ARHGEF10L: variants seen among roughly 807,000 people sequenced by gnomAD.
The protein encoded by ARHGEF10L is rho guanine nucleotide exchange factor 10-like protein.
Under a neutral mutation model 141.2 loss-of-function variants are expected in ARHGEF10L, and 69 were observed. The ratio of observed to expected loss-of-function variants is 0.49; its 90% CI spans 0.40 to 0.60. ARHGEF10L has a LOEUF of 0.60. Ranked by LOEUF, ARHGEF10L falls within the 20% of genes least tolerant of loss-of-function variation. The pLI is 0.00. For missense variants in ARHGEF10L, 1,482 were observed against 1,734.3 expected (o/e 0.85, Z 2.58); for synonymous variants, 711 against 718.5 (o/e 0.99, Z 0.17).
At chr1:17,536,775 C>G (rs1256358072), upstream of ARHGEF10L, among the ~76,000 whole-genome samples, 1 of 152,138 alleles carries the variant, frequency 6.6e-6, no homozygotes, top group Non-Finnish European at 1.5e-5. Context: ...TCTAAAGGGC[C>G]ACCACTCCTG....
At chr1:17,521,358 G>A in the ARHGEF10L span, among the ~76,000 whole-genome samples, 22 of 152,110 alleles carry the variant, frequency 1.4e-4, no homozygotes, top group Non-Finnish European at 2.8e-4. Context: ...CACCACGCCC[G>A]GCTAATTTTG....
intron 26 of ARHGEF10L, among the ~76,000 whole-genome samples, chr1:17,686,962 C>T (rs1207517489): frequency 6.6e-6 from 1 of 151,524 alleles, no homozygotes; most frequent in Non-Finnish European, 1.5e-5. Flanking sequence ...TTTTTTAATC[C>T]ACCTGGCACT....
chr1:17,650,901 T>A (rs958587975), intron 22 of ARHGEF10L, among the ~76,000 whole-genome samples: 1 of 152,136 alleles, frequency 6.6e-6, no homozygotes, highest in Non-Finnish European at 1.5e-5. Flanking sequence ...AAAATCTCAA[T>A]AATTAAGATA....
chr1:17,689,974 C>T lies in ARHGEF10L; in HGVS notation c.3184+2227C>T, dbSNP rs2064975751. The T allele has an allele frequency of 2.4e-5, 9 of 381,630 alleles. 1 individual carries two copies. Among genetic ancestry groups the T allele is most frequent in the South Asian group, 1.7e-4 (9 of 52,374 alleles). 23.6% of individuals were successfully genotyped at this position (381,630 alleles called of 1,614,324 possible). On this transcript the variant is annotated intron_variant, in intron 27 of 28. Coordinates refer to ENST00000361221, the MANE Select transcript of ARHGEF10L (RefSeq NM_018125.4). ...ACCTTCACGCCCGTTGTCTTACTTA[C>T]TCTTTGCAGTTACCCTTTAAGGAAG...
chr1:17,636,001 A>G (rs1447991574), intron 18 of ARHGEF10L, among the ~76,000 whole-genome samples: 4 of 152,086 alleles, frequency 2.6e-5, no homozygotes, highest in Non-Finnish European at 5.9e-5. Flanking sequence ...CTGGTCCGTG[A>G]CAGCTGTGCC....
chr1:17,565,000 G>A (rs970087154), intron 1 of ARHGEF10L, among the ~76,000 whole-genome samples: 9 of 152,140 alleles, frequency 5.9e-5, no homozygotes, highest in African/African-American at 2.2e-4. Flanking sequence ...GGCCCCATTC[G>A]GGCAGCTGTA....
intron 1 of ARHGEF10L, among the ~76,000 whole-genome samples, chr1:17,551,347 G>A (rs2077104081): frequency 1.9e-5 from 1 of 51,960 alleles, no homozygotes; most frequent in Admixed American, 2.5e-4. Flanking sequence ...GCAGGTGGAG[G>A]GACTCCGAGG....
intron 14 of ARHGEF10L, among the ~76,000 whole-genome samples, chr1:17,626,740 ACT>A (rs373321027): frequency 1.5e-4 from 23 of 151,894 alleles, no homozygotes; most frequent in African/African-American, 5.1e-4. Flanking sequence ...CTGAACCGAA[ACT>A]CTGCCCATTC....
rs2062128491 is a variant in ARHGEF10L, at chr1:17,654,764, A to G, written c.2481+42A>G. 6.3e-7 allele frequency: 1 copy of G among 1,576,428 alleles called. No individual in the cohort carries two copies. Among genetic ancestry groups the G allele is most frequent in the Non-Finnish European group, 8.7e-7 (1 of 1,148,132 alleles). On this transcript the variant is annotated intron_variant, in intron 23 of 28. Coordinates refer to ENST00000361221, the MANE Select transcript of ARHGEF10L (RefSeq NM_018125.4). This position sits in a 1 kb window ranked among gnomAD's most constrained non-coding sequence, Gnocchi z 4.3. ...CCCAGCTGGGCATTCTGGCCTCAGG[A>G]CAGGAGTAGGGAGAGCGGCACCTGG...
chr1:17,652,633 C>T (rs538745185), intron 22 of ARHGEF10L, among the ~76,000 whole-genome samples: 2 of 152,050 alleles, frequency 1.3e-5, no homozygotes, highest in Non-Finnish European at 2.9e-5. Context: ...ACTACGGTGT[C>T]GAAGGTTCTT....
intron 4 of ARHGEF10L, among the ~76,000 whole-genome samples, chr1:17,595,219 CCTTT>C (rs1331290811): frequency 7.1e-5 from 10 of 140,794 alleles, no homozygotes; most frequent in Non-Finnish European, 1.4e-4. Flanking sequence ...TCGTGGCTCA[CCTTT>C]TTTTTTTTTT....
chr1:17,526,631 C>T, the ARHGEF10L span, among the ~76,000 whole-genome samples: 1 of 152,208 alleles, frequency 6.6e-6, no homozygotes, highest in Non-Finnish European at 1.5e-5. Flanking sequence ...TGGCCGGGCA[C>T]AGTCACTCAC....
At chr1:17,531,962 C>G in the ARHGEF10L span, among the ~76,000 whole-genome samples, 2 of 152,088 alleles carry the variant, frequency 1.3e-5, no homozygotes, top group Non-Finnish European at 2.9e-5. Context: ...GCCAGGCCCT[C>G]CTGCCACAGC....
At chr1:17,672,683 C>T (rs1406881032) in intron 26 of ARHGEF10L, among the ~76,000 whole-genome samples, 1 of 152,090 alleles carries the variant, frequency 6.6e-6, no homozygotes, top group African/African-American at 2.4e-5. Context: ...GGAGACTTCC[C>T]AGGAGGCTCC....
chr1:17,644,754 C>T lies in ARHGEF10L; in HGVS notation c.2273-3800C>T, dbSNP rs985391151. On this transcript the variant is annotated intron_variant, in intron 21 of 28. Transcript: ENST00000361221. This position sits in a 1 kb window ranked among gnomAD's most constrained non-coding sequence, Gnocchi z 4.5. ...CGGGCTGGAGAAGCAGGGCTGGGCC[C>T]GCGGTGGGCTCAGCTGCCCTCAGTA... is the stretch of plus-strand genomic sequence containing the variant. Among the ~76,000 whole-genome samples, 2 of 152,286 alleles carry T rather than the reference C, an allele frequency of 1.3e-5. No individual in the cohort carries two copies. Among genetic ancestry groups the T allele is most frequent in the Non-Finnish European group, 2.9e-5 (2 of 68,024 alleles).
At position 17,615,940 on chromosome 1, in the gene ARHGEF10L, C is replaced by A. The variant is rs899114764; in HGVS notation, c.727-154C>A. 1.5e-5 allele frequency: 10 copies of A among 652,884 alleles called. No homozygotes were observed. Among genetic ancestry groups the A allele is most frequent in the Non-Finnish European group, 2.8e-5 (10 of 358,082 alleles). The allele number at this position is 652,884 out of a possible 1,614,324, so 40.4% of individuals were successfully genotyped here. A position where few individuals can be genotyped will look rare whatever the true frequency, so the allele number is the denominator to read the frequency against. ...CGGGCATGAACGCACCTTCTCACCCCCACTGTCGTCCTTGGCCTTTGCTCA... is the reference window on the plus strand; with the variant it reads ...CGGGCATGAACGCACCTTCTCACCCACACTGTCGTCCTTGGCCTTTGCTCA... On this transcript the variant is annotated intron_variant, in intron 8 of 28. Transcript: ENST00000361221. This position sits in a 1 kb window ranked among gnomAD's most constrained non-coding sequence, Gnocchi z 4.7.
Position 17,625,994 on chromosome 1 carries a change from CG to C in ARHGEF10L, c.1359del (p.Leu454Ter). On this transcript the variant is annotated frameshift_variant, in exon 14 of 29. Transcript: ENST00000361221. LOFTEE classifies it high-confidence loss of function. This position sits in a 1 kb window ranked among gnomAD's most constrained non-coding sequence, Gnocchi z 4.5. ...VCSPDRVTLYGLMVKPIQRFP... is the reference protein window; with the variant it reads ...VCSPDRVTLYXLMVKPIQRFP... ...GCAGCCCAGACCGTGTCACCCTCTA[CG>C]GGCTGATGGTCAAGCCCATCCAGAG... 2 of 1,613,968 alleles carry C rather than the reference CG, an allele frequency of 1.2e-6. No homozygotes were observed. The highest frequency in any genetic ancestry group is 1.7e-6 in the Non-Finnish European group (2 of 1,179,884).
Position 17,644,109 on chromosome 1 carries a change from G to A in ARHGEF10L, c.2272+3807G>A, listed in dbSNP as rs976577037. ...CCTTCTCATTCCCACCTCTCAAGGG[G>A]ACATGGGCCTGGCAGGCCATGGCTA... On this transcript the variant is annotated intron_variant, in intron 21 of 28. Transcript: ENST00000361221. This position sits in a 1 kb window ranked among gnomAD's most constrained non-coding sequence, Gnocchi z 4.5. Among the ~76,000 whole-genome samples, 1 of 152,236 alleles carries A rather than the reference G, an allele frequency of 6.6e-6. No homozygotes were observed. The highest frequency in any genetic ancestry group is 2.4e-5 in the African/African-American group (1 of 41,450).
chr1:17,606,980 C>T (rs531796174), intron 6 of ARHGEF10L, among the ~76,000 whole-genome samples: 42 of 152,346 alleles, frequency 2.8e-4, no homozygotes, highest in Admixed American at 1.2e-3. Flanking sequence ...AGGCATTTCC[C>T]GCAGGCTTAG....
Sources: allele counts gnomAD v4.1 joint callset (sites outside exome capture counted in the v4.1 genomes callset), GRCh38; gene constraint gnomAD v4.1.1; non-coding constraint Gnocchi (gnomAD v3.1); transcripts MANE v1.5; gene names NCBI Gene and HGNC (gene_info 2026-07-23, HGNC 2026-07-21).